The following PUM2 variants were observed in gnomAD, a reference collection of about 807,000 sequenced individuals.
The protein encoded by PUM2 is pumilio homolog 2.
A neutral mutation model predicts 124.5 loss-of-function variants in PUM2; 57 were observed. The ratio of observed to expected loss-of-function variants is 0.46; its 90% CI spans 0.37 to 0.57. The LOEUF is 0.57. PUM2 is among the 20% of genes least tolerant of loss of function. The probability of loss-of-function intolerance (pLI) is 0.00; values close to 1 mark genes in which losing one functional copy is unlikely to be tolerated. For synonymous variants in PUM2, 460 were observed against 446.1 expected (o/e 1.03, Z -0.39); for missense variants, 1,065 against 1,290.6 (o/e 0.83, Z 2.68).
intron 1 of PUM2, among the ~76,000 whole-genome samples, chr2:20,330,015 A>T (rs1684566965): frequency 6.6e-6 from 1 of 152,174 alleles, no homozygotes; most frequent in Admixed American, 6.5e-5. Context: ...AGAAAAAAAA[A>T]ATTCCACACT....
At chr2:20,285,549 C>T (rs972103054) in intron 10 of PUM2, among the ~76,000 whole-genome samples, 2 of 152,084 alleles carry the variant, frequency 1.3e-5, no homozygotes, top group Non-Finnish European at 2.9e-5. Context: ...CCCCTCAGCA[C>T]AGGAGTTTGG....
At chr2:20,315,836 C>CAAAAA (rs60828412) in intron 3 of PUM2, among the ~76,000 whole-genome samples, 44 of 72,154 alleles carry the variant, frequency 6.1e-4, no homozygotes, top group East Asian at 9.2e-4. Flanking sequence ...AACCTGGTCT[C>CAAAAA]AAAAAAAAAA....
chr2:20,293,645 T>C (rs1027850557), intron 9 of PUM2, among the ~76,000 whole-genome samples: 12 of 152,074 alleles, frequency 7.9e-5, no homozygotes, highest in Admixed American at 2.0e-4. Flanking sequence ...GGGGTGGAAG[T>C]TGCAGTGAGC....
At chr2:20,279,363 C>T (rs1670975985) in intron 12 of PUM2, among the ~76,000 whole-genome samples, 1 of 152,122 alleles carries the variant, frequency 6.6e-6, no homozygotes, top group African/African-American at 2.4e-5. Flanking sequence ...TTGTGAAATA[C>T]AGTGAGCAGC....
chr2:20,308,051 T>C lies in PUM2; in HGVS notation c.810A>G (p.Ala270=), dbSNP rs1445815033. 1 of 1,613,288 alleles carries C rather than the reference T, an allele frequency of 6.2e-7. No homozygotes were observed. Among genetic ancestry groups the C allele is most frequent in the Admixed American group, 1.7e-5 (1 of 60,010 alleles). The change falls in exon 7 of 21, where the codon GCA becomes GCG. Residue 270 remains alanine (A), a synonymous_variant. Coordinates refer to ENST00000361078, the MANE Select transcript of PUM2 (RefSeq NM_015317.5). ...SQQQLFQRTN[A]LTVQQLTAAQ... ...CTGCAGTTAACTGTTGAACTGTTAG[T>C]GCATTAGTCCTCTGAAAGAGCTATT...
intron 16 of PUM2, among the ~76,000 whole-genome samples, chr2:20,256,859 C>T (rs1337429744): frequency 2.0e-5 from 3 of 151,636 alleles, no homozygotes; most frequent in South Asian, 2.1e-4. Context: ...CCAGCCCGGG[C>T]GACATGGCTC....
At chr2:20,314,626 A>G (rs912488419) in intron 3 of PUM2, among the ~76,000 whole-genome samples, 3 of 152,238 alleles carry the variant, frequency 2.0e-5, no homozygotes, top group African/African-American at 7.2e-5. Context: ...GCCAGTTATC[A>G]TTTTATTAAC....
intron 2 of PUM2, among the ~76,000 whole-genome samples, chr2:20,320,234 G>A (rs1458620606): frequency 1.3e-5 from 2 of 152,204 alleles, no homozygotes; most frequent in East Asian, 1.9e-4. Flanking sequence ...GGGTGACAGA[G>A]TGAGACTGTC....
At chr2:20,254,762 A>G (rs1572524104) in intron 19 of PUM2, 101 bp downstream of exon 19, 3 of 1,216,010 alleles carry the variant, frequency 2.5e-6, no homozygotes, top group East Asian at 2.6e-5. Flanking sequence ...AAAAAAAAAG[A>G]CTACAGTTTA....
At chr2:20,335,197 T>C (rs887257615) in intron 1 of PUM2, among the ~76,000 whole-genome samples, 15 of 152,162 alleles carry the variant, frequency 9.9e-5, no homozygotes, top group Non-Finnish European at 1.5e-5. Context: ...AGTGCTAGGA[T>C]TAAAGGTGTG....
intron 7 of PUM2, among the ~76,000 whole-genome samples, chr2:20,307,690 T>G (rs1424116848): frequency 6.6e-6 from 1 of 152,214 alleles, no homozygotes; most frequent in Non-Finnish European, 1.5e-5. Context: ...TGGACACAAG[T>G]AAATTTGAAT....
chr2:20,255,295 C>T lies in PUM2; in HGVS notation c.2669G>A (p.Arg890His), dbSNP rs758296998. Residue 890 changes from arginine (R) to histidine (H), a missense_variant, in exon 18 of 21, where the codon CGC becomes CAC. By Grantham distance (29) the Arg-to-His change is conservative (BLOSUM62 0). Coordinates refer to ENST00000361078, the MANE Select transcript of PUM2 (RefSeq NM_015317.5). ...THPYGCRVIQ[R>H]ILEHCTAEQT... Reference sequence around the variant, plus strand: ...TTCTGCAGTGCAATGCTCTAGGATGCGCTGAATTACTCTGCAGCCATAAGG... The same window carrying T: ...TTCTGCAGTGCAATGCTCTAGGATGTGCTGAATTACTCTGCAGCCATAAGG... 5.0e-6 allele frequency: 8 copies of T among 1,610,370 alleles called. No individual in the cohort carries two copies. The highest frequency in any genetic ancestry group is 4.0e-5 in the African/African-American group (3 of 74,796).
intron 1 of PUM2, among the ~76,000 whole-genome samples, chr2:20,341,646 T>C (rs774032628): frequency 1.3e-5 from 2 of 152,224 alleles, no homozygotes; most frequent in Non-Finnish European, 2.9e-5. Flanking sequence ...TATATAAATA[T>C]AGCTTAACTG....
chr2:20,321,557 T>C (rs1682372501), intron 2 of PUM2, among the ~76,000 whole-genome samples: 1 of 152,152 alleles, frequency 6.6e-6, no homozygotes, highest in South Asian at 2.1e-4. Context: ...GGGGATCTAC[T>C]AGCTGGTGAC....
At position 20,251,559 on chromosome 2, in the gene PUM2, T is replaced by C; in HGVS notation, c.*26A>G. 6.3e-7 allele frequency: 1 copy of C among 1,596,660 alleles called. No homozygotes were observed. The highest frequency in any genetic ancestry group is 2.2e-5 in the East Asian group (1 of 44,634). On this transcript the variant is annotated 3_prime_UTR_variant, in exon 21 of 21. Transcript: ENST00000361078. The stretch of plus-strand genomic sequence containing the variant: ...AAAAATTCTTTTCACATGGTTAAAT[T>C]ATCTTCTTTCTCTTGCTCCTGTAAT...
At chr2:20,268,446 C>T (rs1203820942) in intron 13 of PUM2, among the ~76,000 whole-genome samples, 1 of 151,938 alleles carries the variant, frequency 6.6e-6, no homozygotes, top group East Asian at 1.9e-4. Context: ...ACCCCATCTC[C>T]ACTATATGTA....
chr2:20,258,136 GA>G (rs1240333543), intron 16 of PUM2, 106 bp downstream of exon 16: 17 of 1,056,944 alleles, frequency 1.6e-5, no homozygotes, highest in Non-Finnish European at 2.1e-5. Context: ...TCTAGTTGTG[GA>G]AATATTTAAG....
chr2:20,338,521 CCTTCT>C (rs1226692625), intron 1 of PUM2, among the ~76,000 whole-genome samples: 1 of 152,218 alleles, frequency 6.6e-6, no homozygotes, highest in Non-Finnish European at 1.5e-5. Flanking sequence ...CCCAAACAAT[CCTTCT>C]CTTAATTCCC....
At chr2:20,335,681 T>A (rs1160823458) in intron 1 of PUM2, among the ~76,000 whole-genome samples, 3 of 152,216 alleles carry the variant, frequency 2.0e-5, no homozygotes, top group Admixed American at 2.0e-4. Context: ...AGAATAGTAT[T>A]ACTGACTCAA....
Sources: allele counts gnomAD v4.1 joint callset (sites outside exome capture counted in the v4.1 genomes callset), GRCh38; gene constraint gnomAD v4.1.1; transcripts MANE v1.5; gene names NCBI Gene and HGNC (gene_info 2026-07-23, HGNC 2026-07-21).